AMD1: variants seen among roughly 807,000 people sequenced by gnomAD.
AMD1 encodes S-adenosylmethionine decarboxylase proenzyme.
A neutral mutation model predicts 40.2 loss-of-function variants in AMD1; 11 were observed. The observed-to-expected ratio is 0.27, with a 90% CI of 0.17 to 0.45. The LOEUF is 0.45. AMD1 is among the 20% of genes least tolerant of loss of function. The pLI is 1.00. For missense variants in AMD1, 257 were observed against 410.2 expected, an observed-to-expected ratio of 0.63 and a Z score of 3.23; for synonymous variants, 121 against 130.8, an observed-to-expected ratio of 0.93 and a Z score of 0.51.
intron 1 of AMD1, among the ~76,000 whole-genome samples, chr6:110,886,100 C>G (rs201932544): frequency 6.6e-6 from 1 of 151,360 alleles, no homozygotes; most frequent in Non-Finnish European, 1.5e-5. Flanking sequence ...ACTAAAAATA[C>G]AAAAATTAGC....
At chr6:110,843,158 T>A in the AMD1 span, among the ~76,000 whole-genome samples, 1 of 149,364 alleles carries the variant, frequency 6.7e-6, no homozygotes, top group Admixed American at 6.7e-5. Context: ...AAACATATGC[T>A]TTTAGTCAAA....
chr6:110,821,448 T>C, the AMD1 span, among the ~76,000 whole-genome samples: 1 of 152,026 alleles, frequency 6.6e-6, no homozygotes, highest in Admixed American at 6.6e-5. Context: ...ACCCCGTCTC[T>C]ACTAAAAACA....
chr6:110,841,104 C>T, the AMD1 span, among the ~76,000 whole-genome samples: 2 of 152,200 alleles, frequency 1.3e-5, no homozygotes, highest in Non-Finnish European at 2.9e-5. Context: ...ACCTCCACCT[C>T]CTGGGTTCAA....
upstream of AMD1, among the ~76,000 whole-genome samples, chr6:110,871,662 T>C (rs1784920994): frequency 6.6e-6 from 1 of 152,196 alleles, no homozygotes; most frequent in South Asian, 2.1e-4. Context: ...GCTGAGTTTT[T>C]GTAATTTGTT....
At chr6:110,888,040 G>C (rs550013531) in intron 2 of AMD1, among the ~76,000 whole-genome samples, 1 of 152,024 alleles carries the variant, frequency 6.6e-6, no homozygotes, top group Non-Finnish European at 1.5e-5. Flanking sequence ...TTAGTGTAAC[G>C]TGGATGTTTC....
the AMD1 span, among the ~76,000 whole-genome samples, chr6:110,839,058 C>T: frequency 2.6e-5 from 4 of 152,154 alleles, no homozygotes; most frequent in Admixed American, 1.3e-4. Flanking sequence ...TGAGCCACCG[C>T]GCCTGGCCCC....
chr6:110,887,354 G>A (rs1785755625), intron 1 of AMD1, 151 bp from the exon 2 acceptor site: 1 of 526,024 alleles, frequency 1.9e-6, no homozygotes, highest in Non-Finnish European at 3.3e-6. Context: ...ATCTGGGTGT[G>A]TCAATATAGA....
chr6:110,894,390 T>C lies in AMD1; in HGVS notation c.*774T>C, dbSNP rs1786194842. The C allele has an allele frequency of 6.6e-6, 1 of 152,606 alleles. No individual in the cohort carries two copies. The highest frequency in any genetic ancestry group is 2.1e-4 in the South Asian group (1 of 4,836). 9.5% of individuals were successfully genotyped at this position (152,606 alleles called of 1,614,324 possible). On this transcript the variant is annotated 3_prime_UTR_variant, in exon 9 of 9. Coordinates refer to ENST00000368885, the MANE Select transcript of AMD1 (RefSeq NM_001634.6). Reference sequence around the variant, plus strand: ...GATGGTCCCTGGGCTTAATATTCTTTAAAGGGCATGGGAATTTAGCCTCTC... The same window carrying C: ...GATGGTCCCTGGGCTTAATATTCTTCAAAGGGCATGGGAATTTAGCCTCTC...
chr6:110,861,103 A>G, the AMD1 span, among the ~76,000 whole-genome samples: 7 of 152,100 alleles, frequency 4.6e-5, no homozygotes, highest in Admixed American at 6.6e-5. Context: ...TCACTCCTGT[A>G]ATCCCAGCAC....
At chr6:110,867,844 C>A in the AMD1 span, among the ~76,000 whole-genome samples, 3 of 152,088 alleles carry the variant, frequency 2.0e-5, no homozygotes, top group South Asian at 6.2e-4. Context: ...ATTACAAATT[C>A]TTTGTTTACT....
rs1785951491 is a variant in AMD1 at position 110,890,449 on chromosome 6, T to C, written c.427+93T>C. 61 of 903,924 alleles carry C rather than the reference T, an allele frequency of 6.7e-5. No homozygotes were observed. The South Asian group carries it at 8.9e-4, about 13-fold the overall frequency. 56.0% of individuals were successfully genotyped at this position (903,924 alleles called of 1,614,324 possible). On this transcript the variant is annotated intron_variant, in intron 4 of 8. Coordinates refer to ENST00000368885, the MANE Select transcript of AMD1 (RefSeq NM_001634.6). The stretch of plus-strand genomic sequence containing the variant: ...CTATATGAGAGCATACTTATGCATA[T>C]ATAGCATTCTACACACACTAATACT...
At chr6:110,848,420 G>A in the AMD1 span, 1 of 171,792 alleles carries the variant, frequency 5.8e-6, no homozygotes, top group African/African-American at 2.4e-5. Context: ...TATTCGGAAG[G>A]CTGAGGCAGG....
chr6:110,824,220 G>A, the AMD1 span, among the ~76,000 whole-genome samples: 2,069 of 152,222 alleles, frequency 0.014, 49 homozygotes, highest in African/African-American at 0.047. Context: ...GTATATATAC[G>A]CCATGGAATA....
At chr6:110,850,500 A>G in the AMD1 span, among the ~76,000 whole-genome samples, 1 of 152,078 alleles carries the variant, frequency 6.6e-6, no homozygotes, top group South Asian at 2.1e-4. Context: ...ACCCACCCCA[A>G]CCATCCCTGC....
the AMD1 span, among the ~76,000 whole-genome samples, chr6:110,817,165 A>G: frequency 6.6e-6 from 1 of 152,218 alleles, no homozygotes; most frequent in Non-Finnish European, 1.5e-5. Context: ...AGGACAAAGA[A>G]GGGAATTGTC....
At chr6:110,871,571 G>A (rs1784919517), upstream of AMD1, among the ~76,000 whole-genome samples, 1 of 152,186 alleles carries the variant, frequency 6.6e-6, no homozygotes, top group Non-Finnish European at 1.5e-5. Flanking sequence ...GTGATTTGTT[G>A]TGTAAAGGGT....
At chr6:110,833,902 C>T in the AMD1 span, among the ~76,000 whole-genome samples, 9 of 152,140 alleles carry the variant, frequency 5.9e-5, no homozygotes, top group East Asian at 1.9e-4. Context: ...ACTTGTGGAA[C>T]GTAAGAACTC....
rs1317298930 is a variant in AMD1, at chr6:110,893,944, A to G, written c.*328A>G. 4 of 243,718 alleles carry G rather than the reference A, an allele frequency of 1.6e-5. No homozygotes were observed. The highest frequency in any genetic ancestry group is 3.3e-5 in the Non-Finnish European group (4 of 122,500). The allele number at this position is 243,718 out of a possible 1,614,324, so 15.1% of individuals were successfully genotyped here. The stretch of plus-strand genomic sequence containing the variant: ...CTCAATTTGGTTTATGCACAGTGTA[A>G]TATTTCTCCAAGTATCATCCAAAAT... On this transcript the variant is annotated 3_prime_UTR_variant, in exon 9 of 9. Transcript: ENST00000368885.
At chr6:110,884,540 CT>C (rs1481924266) in intron 1 of AMD1, among the ~76,000 whole-genome samples, 2 of 152,162 alleles carry the variant, frequency 1.3e-5, no homozygotes, top group Non-Finnish European at 2.9e-5. Context: ...CTCAAGCAAA[CT>C]TCCCACATCA....
Sources: gnomAD v4.1 joint callset for allele counts (sites outside exome capture counted in the v4.1 genomes callset) on GRCh38, gnomAD v4.1.1 for gene constraint, MANE v1.5 for transcripts, NCBI Gene and HGNC (gene_info 2026-07-23, HGNC 2026-07-21) for gene names.